Variants in MCM9 observed in about 807,000 individuals in gnomAD.
MCM9 encodes DNA helicase MCM9.
MCM9 carries 55 observed loss-of-function variants against 72.8 expected under a neutral mutation model. The ratio of observed to expected loss-of-function variants is 0.76; its 90% CI spans 0.61 to 0.95. The LOEUF (loss-of-function observed/expected upper bound fraction) is 0.95, where lower values mean the gene tolerates loss of function less well. Among genes scored for constraint, MCM9 ranks in the 40% least tolerant of loss-of-function variants. MCM9 has a pLI of 0.00. For missense variants in MCM9, 1,279 were observed against 1,377.0 expected (o/e 0.93, Z 1.13); for synonymous variants, 480 against 503.4 (o/e 0.95, Z 0.62).
At chr6:118,837,606 C>T (rs1178108694) in intron 9 of MCM9, among the ~76,000 whole-genome samples, 1 of 152,078 alleles carries the variant, frequency 6.6e-6, no homozygotes, top group African/African-American at 2.4e-5. Flanking sequence ...TGCATTGATC[C>T]CTTTACCATT....
At chr6:118,839,871 AGG>A (rs2114608652) in intron 9 of MCM9, among the ~76,000 whole-genome samples, 1 of 152,234 alleles carries the variant, frequency 6.6e-6, no homozygotes, top group East Asian at 1.9e-4. Flanking sequence ...CCCTGCTTGG[AGG>A]TGTCTCCCAG....
At chr6:118,868,023 C>T (rs1777334723) in intron 8 of MCM9, among the ~76,000 whole-genome samples, 1 of 151,764 alleles carries the variant, frequency 6.6e-6, no homozygotes, top group Non-Finnish European at 1.5e-5. Context: ...ACTACAGGCA[C>T]GTGCCACCAC....
intron 6 of MCM9, among the ~76,000 whole-genome samples, chr6:118,915,736 A>G (rs1232529369): frequency 6.6e-6 from 1 of 152,250 alleles, no homozygotes; most frequent in East Asian, 1.9e-4. Context: ...GTGCTGGTCC[A>G]TAGGAAACTG....
intron 3 of MCM9, among the ~76,000 whole-genome samples, chr6:118,929,895 T>C (rs1451528555): frequency 6.6e-6 from 1 of 152,180 alleles, no homozygotes; most frequent in Non-Finnish European, 1.5e-5. Flanking sequence ...TGATTAATAC[T>C]CTTCATAATT....
intron 8 of MCM9, among the ~76,000 whole-genome samples, chr6:118,882,612 G>C (rs1778358540): frequency 6.6e-6 from 1 of 152,254 alleles, no homozygotes; most frequent in South Asian, 2.1e-4. Context: ...AACAACTAGA[G>C]CCTACCAGCC....
At chr6:118,855,395 T>A (rs1337862458) in intron 9 of MCM9, among the ~76,000 whole-genome samples, 1 of 152,212 alleles carries the variant, frequency 6.6e-6, no homozygotes, top group Non-Finnish European at 1.5e-5. Flanking sequence ...CTTCTTAGCA[T>A]CTAGCACAAT....
chr6:118,836,883 CT>C (rs1774997135), intron 9 of MCM9, among the ~76,000 whole-genome samples: 1 of 152,154 alleles, frequency 6.6e-6, no homozygotes, highest in African/African-American at 2.4e-5. Flanking sequence ...CTTCTGCTAG[CT>C]TTTGAATTTG....
chr6:118,828,959 G>A, intron 10 of MCM9, 89 bp downstream of exon 10: 1 of 1,307,744 alleles, frequency 7.6e-7, no homozygotes, highest in Non-Finnish European at 1.1e-6. Context: ...GCCTATCTTG[G>A]GTATTTATTT....
chr6:118,917,705 C>T lies in MCM9; in HGVS notation c.760G>A (p.Asp254Asn). The T allele has an allele frequency of 6.2e-7, 1 of 1,614,076 alleles. No homozygotes were observed. Among genetic ancestry groups the T allele is most frequent in the South Asian group, 1.1e-5 (1 of 91,084 alleles). ...ACTATCTCCACTTCACAGCGCACAT[C>T]TTGCTGAAAGGGCTTCCACCGTTGC... is the stretch of plus-strand genomic sequence containing the variant. ...VMQRWKPFQQ[D>N]VRCEVEIVLK... The change falls in exon 6 of 14, where the codon GAT becomes AAT. Residue 254 changes from aspartate to asparagine, a missense_variant. Asp to Asn is a conservative substitution (Grantham distance 23). Coordinates refer to ENST00000619706, the MANE Select transcript of MCM9 (RefSeq NM_017696.3).
intron 8 of MCM9, among the ~76,000 whole-genome samples, chr6:118,895,229 G>A (rs556526256): frequency 5.9e-5 from 9 of 151,960 alleles, no homozygotes; most frequent in African/African-American, 1.2e-4. Flanking sequence ...CTCCCCGGGG[G>A]CCGTGGGTCC....
Position 118,815,382 on chromosome 6 carries a change from A to G in MCM9, c.2874T>C (p.Arg958=), listed in dbSNP as rs1236498464. The part of the protein sequence containing the change: ...IAVHSPKISQ[R]RTRRDAALPV... Reference sequence around the variant, plus strand: ...GCAAGGCTGCGTCTCTTCTTGTTCTACGCTGGGAAATTTTAGGACTATGAA... The same window carrying G: ...GCAAGGCTGCGTCTCTTCTTGTTCTGCGCTGGGAAATTTTAGGACTATGAA... The change falls in exon 14 of 14, where the codon CGT becomes CGC. Residue 958 remains arginine, a synonymous_variant. Coordinates refer to ENST00000619706, the MANE Select transcript of MCM9 (RefSeq NM_017696.3). The G allele has an allele frequency of 2.6e-6, 4 of 1,550,408 alleles. No homozygotes were observed. The highest frequency in any genetic ancestry group is 1.7e-4 in the Middle Eastern group (1 of 5,990).
chr6:118,886,522 CAA>C lies in MCM9; in HGVS notation c.1150+25126_1150+25127del, dbSNP rs991525103. 4.2e-5 allele frequency among the ~76,000 whole-genome samples: 6 copies of C among 142,490 alleles called. No homozygotes were observed. In the East Asian group the frequency reaches 8.1e-4, roughly 19 times the overall value. 93.5% of individuals were successfully genotyped at this position (142,490 alleles called of 152,430 possible). A position where few individuals can be genotyped will look rare whatever the true frequency, so the allele number is the denominator to read the frequency against. ...TGACCTCAGCTAGACTGACAGATAC[CAA>C]AAAAAAAAATCAATTCTATGTCTAC... is the stretch of plus-strand genomic sequence containing the variant. On this transcript the variant is annotated intron_variant, in intron 8 of 13. Coordinates refer to ENST00000619706, the MANE Select transcript of MCM9 (RefSeq NM_017696.3).
At chr6:118,918,947 A>G (rs953015674) in intron 5 of MCM9, 2 of 152,254 alleles carry the variant, frequency 1.3e-5, no homozygotes, top group South Asian at 2.1e-4. Context: ...TTCATACTAC[A>G]TAGTTACAAA....
intron 8 of MCM9, chr6:118,894,584 C>T: frequency 2.9e-6 from 4 of 1,379,500 alleles, no homozygotes; most frequent in East Asian, 5.0e-5. Context: ...GAAAGTTTCC[C>T]GGGCCGGGCC....
intron 8 of MCM9, among the ~76,000 whole-genome samples, chr6:118,899,363 T>C (rs115211478): frequency 0.01 from 1,581 of 152,308 alleles, 30 homozygotes; most frequent in African/African-American, 0.036. Context: ...TCATAGGGTT[T>C]GGTGCTTTCC....
intron 9 of MCM9, among the ~76,000 whole-genome samples, chr6:118,846,060 A>G (rs1775841686): frequency 6.6e-6 from 1 of 151,894 alleles, no homozygotes; most frequent in Admixed American, 6.5e-5. Context: ...CTAAAAATAT[A>G]TAAAATATAC....
At chr6:118,830,431 A>C (rs1774462541) in intron 9 of MCM9, among the ~76,000 whole-genome samples, 1 of 152,232 alleles carries the variant, frequency 6.6e-6, no homozygotes, top group African/African-American at 2.4e-5. Context: ...TAAACAAGGC[A>C]TTTTTACCAA....
At chr6:118,922,425 C>T (rs1191809684) in intron 4 of MCM9, among the ~76,000 whole-genome samples, 1 of 152,160 alleles carries the variant, frequency 6.6e-6, no homozygotes, top group East Asian at 1.9e-4. Context: ...AATCAAAAGA[C>T]CTGGGACAAA....
intron 9 of MCM9, among the ~76,000 whole-genome samples, chr6:118,851,272 T>C (rs1776209842): frequency 6.6e-6 from 1 of 151,774 alleles, no homozygotes; most frequent in Non-Finnish European, 1.5e-5. Flanking sequence ...AGGCTACAAA[T>C]GAACTGTTCA....
Sources: allele counts gnomAD v4.1 joint callset (sites outside exome capture counted in the v4.1 genomes callset), GRCh38; gene constraint gnomAD v4.1.1; transcripts MANE v1.5; gene names NCBI Gene and HGNC (gene_info 2026-07-23, HGNC 2026-07-21).